Variants in AURKA observed in about 807,000 individuals in gnomAD.
The protein encoded by AURKA is aurora 2.
AURKA carries 12 observed loss-of-function variants against 40.9 expected under a neutral mutation model. The observed-to-expected ratio is 0.29, with a 90% CI of 0.19 to 0.48. AURKA has a LOEUF of 0.48. AURKA is among the 20% of genes least tolerant of loss of function. The pLI is 0.99. For missense variants in AURKA, 322 were observed against 462.1 expected, an observed-to-expected ratio of 0.70 and a Z score of 2.78; for synonymous variants, 170 against 164.3, an observed-to-expected ratio of 1.03 and a Z score of -0.26.
chr20:56,382,506 C>T (rs984627058), intron 5 of AURKA, among the ~76,000 whole-genome samples: 7 of 152,184 alleles, frequency 4.6e-5, no homozygotes, highest in Admixed American at 1.3e-4. Flanking sequence ...GGTAGCTGCT[C>T]GCAATTCCTG....
intron 6 of AURKA, among the ~76,000 whole-genome samples, chr20:56,374,417 G>T (rs767112197): frequency 6.6e-6 from 1 of 152,040 alleles, no homozygotes; most frequent in Non-Finnish European, 1.5e-5. Flanking sequence ...AGAAGAATTT[G>T]TTTAAAGCTA....
chr20:56,371,633 CAG>C (rs1438374408), intron 7 of AURKA, among the ~76,000 whole-genome samples: 1 of 148,184 alleles, frequency 6.7e-6, no homozygotes, highest in East Asian at 1.9e-4. Context: ...AATCCAACCA[CAG>C]AGACAGTCCA....
intron 6 of AURKA, among the ~76,000 whole-genome samples, chr20:56,374,450 G>C (rs923618873): frequency 7.2e-5 from 11 of 152,192 alleles, no homozygotes; most frequent in Non-Finnish European, 1.3e-4. Flanking sequence ...AAGAATATCA[G>C]GAGAAAAAAT....
intron 7 of AURKA, among the ~76,000 whole-genome samples, chr20:56,371,844 T>C (rs1984276664): frequency 6.6e-6 from 1 of 152,246 alleles, no homozygotes; most frequent in South Asian, 2.1e-4. Flanking sequence ...TCTAGTTATA[T>C]AGGAGAATAT....
At chr20:56,382,859 T>C (rs1335225542) in intron 5 of AURKA, 126 bp downstream of exon 5, 36 of 986,210 alleles carry the variant, frequency 3.7e-5, no homozygotes, top group Non-Finnish European at 5.5e-5. Flanking sequence ...AACGGGGCCA[T>C]GCATTTGAAG....
chr20:56,384,398 T>G (rs1272539887), intron 3 of AURKA, 74 bp from the exon 4 acceptor site: 1 of 1,141,488 alleles, frequency 8.8e-7, no homozygotes, highest in African/African-American at 1.5e-5. Flanking sequence ...TAGAGGTGAA[T>G]CAAAGAATTG....
At chr20:56,377,857 C>T (rs1024901621) in intron 6 of AURKA, among the ~76,000 whole-genome samples, 1 of 152,150 alleles carries the variant, frequency 6.6e-6, no homozygotes, top group Non-Finnish European at 1.5e-5. Flanking sequence ...GATACCACCA[C>T]ATGCCGATTA....
intron 5 of AURKA, among the ~76,000 whole-genome samples, chr20:56,382,703 A>T (rs997616472): frequency 1.3e-5 from 2 of 150,538 alleles, no homozygotes; most frequent in Non-Finnish European, 3.0e-5. Flanking sequence ...AGGCCCTCTA[A>T]AAAATAAATT....
At chr20:56,385,080 T>G (rs995466637) in intron 3 of AURKA, among the ~76,000 whole-genome samples, 2 of 152,218 alleles carry the variant, frequency 1.3e-5, no homozygotes, top group Non-Finnish European at 2.9e-5. Flanking sequence ...CTCCTCTTTA[T>G]TCATCTTTCA....
chr20:56,381,281 C>T, intron 6 of AURKA, 152 bp downstream of exon 6: 1 of 945,854 alleles, frequency 1.1e-6, no homozygotes, highest in South Asian at 1.4e-5. Context: ...TATGGTACAA[C>T]TAAGCTATTT....
Position 56,373,593 on chromosome 20 carries a change from TTA to T in AURKA, c.706-39_706-38del, listed in dbSNP as rs750953044. On this transcript the variant is annotated intron_variant, in intron 6 of 8. Coordinates refer to ENST00000395915, the MANE Select transcript of AURKA (RefSeq NM_198437.3). The surrounding 1 kb of genome is among the most constrained non-coding windows in gnomAD (Gnocchi z 5.0). ...ATATTGAAAGCCTATGTTTTAGATT[TTA>T]TATAACACAAGTTAATATTAGACAT... 6.2e-7 allele frequency: 1 copy of T among 1,600,216 alleles called. No individual in the cohort carries two copies. The highest frequency in any genetic ancestry group is 1.7e-5 in the Admixed American group (1 of 59,972).
In AURKA at chr20:56,381,524, C is replaced by T; in HGVS notation, c.614G>A (p.Arg205Lys). 1 of 1,613,930 alleles carries T rather than the reference C, an allele frequency of 6.2e-7. No homozygotes were observed. Among genetic ancestry groups the T allele is most frequent in the South Asian group, 1.1e-5 (1 of 91,080 alleles). Residue 205 changes from arginine to lysine, a missense_variant, in exon 6 of 9, where the codon AGA (arginine) becomes AAA (lysine). Coordinates refer to ENST00000395915, the MANE Select transcript of AURKA (RefSeq NM_198437.3). ...TGCATATTCCAGAATTAGGTAGACTCTGGTAGCATCATGGAAATAACCATA... is the reference window on the plus strand; with the variant it reads ...TGCATATTCCAGAATTAGGTAGACTTTGGTAGCATCATGGAAATAACCATA... Reference protein sequence around the residue: ...RLYGYFHDATRVYLILEYAPL... With the variant: ...RLYGYFHDATKVYLILEYAPL...
intron 6 of AURKA, among the ~76,000 whole-genome samples, chr20:56,380,469 A>T (rs1985572275): frequency 6.6e-6 from 1 of 152,204 alleles, no homozygotes; most frequent in African/African-American, 2.4e-5. Context: ...ATAAATACCC[A>T]GGAGTCTACA....
At chr20:56,371,502 C>G (rs1173021869) in intron 7 of AURKA, among the ~76,000 whole-genome samples, 2 of 137,490 alleles carry the variant, frequency 1.5e-5, no homozygotes, top group African/African-American at 5.4e-5. Flanking sequence ...CTCTTCAGGA[C>G]CTGAGACCTA....
intron 6 of AURKA, among the ~76,000 whole-genome samples, chr20:56,377,336 G>A (rs868820193): frequency 2.0e-5 from 3 of 151,898 alleles, no homozygotes; most frequent in Non-Finnish European, 4.4e-5. Flanking sequence ...AAAATACAAG[G>A]CACGGATTGG....
intron 7 of AURKA, 57 bp from the exon 8 acceptor site, chr20:56,370,716 TGC>T: frequency 6.3e-7 from 1 of 1,592,278 alleles, no homozygotes. Context: ...TCACAACAGC[TGC>T]TAACAATCAT....
rs998206784 is a variant in AURKA, at chr20:56,369,853, C to T, written c.*305G>A. ...CCCCACAGCCAGGCTCTGGATTTGC[C>T]TCCTGTGAAGACACCATGCCTAGCA... On this transcript the variant is annotated 3_prime_UTR_variant, in exon 9 of 9. Transcript: ENST00000395915. 1 of 492,678 alleles carries T rather than the reference C, an allele frequency of 2.0e-6. No homozygotes were observed. The highest frequency in any genetic ancestry group is 5.8e-4 in the Middle Eastern group (1 of 1,738). 30.5% of individuals were successfully genotyped at this position (492,678 alleles called of 1,614,324 possible).
intron 5 of AURKA, 40 bp from the exon 6 acceptor site, chr20:56,381,611 C>T (rs1985721499): frequency 6.2e-7 from 1 of 1,610,316 alleles, no homozygotes. Flanking sequence ...TGGTTTGGAG[C>T]TCACAGAAGA....
At chr20:56,386,214 C>T (rs548542384) in intron 3 of AURKA, 43 bp downstream of exon 3, 14 of 1,612,620 alleles carry the variant, frequency 8.7e-6, no homozygotes, top group Non-Finnish European at 1.0e-5. Context: ...TTAGCAACGA[C>T]GACAAAGAAG....
Sources: allele counts gnomAD v4.1 joint callset (sites outside exome capture counted in the v4.1 genomes callset), GRCh38; gene constraint gnomAD v4.1.1; non-coding constraint Gnocchi (gnomAD v3.1); transcripts MANE v1.5; gene names NCBI Gene and HGNC (gene_info 2026-07-23, HGNC 2026-07-21).